Variants in MED13L observed in about 807,000 individuals in gnomAD.
MED13L encodes mediator of RNA polymerase II transcription subunit 13-like.
A neutral mutation model predicts 220.9 loss-of-function variants in MED13L; 7 were observed. That is an observed-to-expected ratio of 0.03 (90% CI 0.02 to 0.06). The LOEUF is 0.06. Ranked by LOEUF, MED13L falls within the 10% of genes least tolerant of loss-of-function variation. The probability of loss-of-function intolerance (pLI) is 1.00; values close to 1 mark genes in which losing one functional copy is unlikely to be tolerated. For missense variants in MED13L, 1,965 were observed against 2,760.5 expected, an observed-to-expected ratio of 0.71 and a Z score of 6.46; for synonymous variants, 1,011 against 1,015.2, an observed-to-expected ratio of 1.00 and a Z score of 0.08.
intron 4 of MED13L, among the ~76,000 whole-genome samples, chr12:116,061,916 G>A (rs1592999750): frequency 6.6e-6 from 1 of 150,918 alleles, no homozygotes; most frequent in African/African-American, 2.4e-5. Context: ...GCTGAGGCAG[G>A]AGAATGGCGT....
At chr12:115,993,642 T>C (rs1319990099) in intron 16 of MED13L, among the ~76,000 whole-genome samples, 1 of 152,134 alleles carries the variant, frequency 6.6e-6, no homozygotes, top group Non-Finnish European at 1.5e-5. Context: ...CGATCTTTAC[T>C]CTAACTGGAC....
At chr12:116,136,052 G>A (rs1019504735) in intron 2 of MED13L, among the ~76,000 whole-genome samples, 2 of 151,938 alleles carry the variant, frequency 1.3e-5, no homozygotes, top group African/African-American at 2.4e-5. Flanking sequence ...ACAGGCACCC[G>A]CCACCATGCC....
chr12:116,063,691 T>TAC (rs1165014331), intron 4 of MED13L, among the ~76,000 whole-genome samples: 1 of 152,214 alleles, frequency 6.6e-6, no homozygotes, highest in Non-Finnish European at 1.5e-5. Flanking sequence ...TAACCACCAC[T>TAC]ACCTCCAAGG....
At chr12:116,085,754 T>TCACACACACACA (rs10611880) in intron 4 of MED13L, among the ~76,000 whole-genome samples, 10 of 147,122 alleles carry the variant, frequency 6.8e-5, no homozygotes, top group African/African-American at 2.5e-4. Flanking sequence ...TTAAAATCAC[T>TCACACACACACA]CACACACACA....
chr12:116,183,844 A>G (rs893237370), intron 2 of MED13L, among the ~76,000 whole-genome samples: 8 of 67,060 alleles, frequency 1.2e-4, no homozygotes, highest in Non-Finnish European at 2.4e-4. Context: ...GTGTGTGTGT[A>G]AAATGAGATT....
intron 2 of MED13L, among the ~76,000 whole-genome samples, chr12:116,111,897 CAA>C (rs1565882777): frequency 1.3e-5 from 2 of 152,008 alleles, no homozygotes; most frequent in East Asian, 3.9e-4. Context: ...AAATTAATAG[CAA>C]AGTTATAAAA....
intron 4 of MED13L, among the ~76,000 whole-genome samples, chr12:116,075,091 T>G (rs1870673899): frequency 6.6e-6 from 1 of 152,250 alleles, no homozygotes; most frequent in Non-Finnish European, 1.5e-5. Flanking sequence ...GAATGACCAC[T>G]GTTTTTTGTT....
At chr12:116,032,492 A>G (rs1880914884) in intron 4 of MED13L, among the ~76,000 whole-genome samples, 1 of 152,186 alleles carries the variant, frequency 6.6e-6, no homozygotes, top group African/African-American at 2.4e-5. Context: ...CCTTCTAACC[A>G]AATTGCCTAT....
At chr12:116,060,908 A>T (rs1007115957) in intron 4 of MED13L, among the ~76,000 whole-genome samples, 6 of 152,182 alleles carry the variant, frequency 3.9e-5, no homozygotes, top group Non-Finnish European at 8.8e-5. Flanking sequence ...GGAAGTTATG[A>T]CACATACATG....
intron 4 of MED13L, among the ~76,000 whole-genome samples, chr12:116,051,156 T>C (rs956079258): frequency 6.6e-6 from 1 of 152,230 alleles, no homozygotes; most frequent in African/African-American, 2.4e-5. Flanking sequence ...TTCCACAGCA[T>C]TAAAATGTTA....
rs552015187 is a variant in MED13L, at chr12:116,174,342, AT to A, written c.311-62831del. On this transcript the variant is annotated intron_variant, in intron 2 of 30. Transcript: ENST00000281928. ...TTTAACTGCCCAAGGGTAAATGATA[AT>A]TCTAAGACACAAACACCTGAAAGAG... is the stretch of plus-strand genomic sequence containing the variant. 2.1e-3 allele frequency among the ~76,000 whole-genome samples: 327 copies of A among 152,322 alleles called. 1 individual carries two copies. The highest frequency in any genetic ancestry group is 0.014 in the Middle Eastern group (4 of 294).
chr12:115,962,479 G>A (rs1415507926), intron 30 of MED13L, among the ~76,000 whole-genome samples: 1 of 152,132 alleles, frequency 6.6e-6, no homozygotes, highest in Admixed American at 6.5e-5. Context: ...GCATGGACGG[G>A]GGTTGGGGAC....
At chr12:116,145,375 C>T (rs1455219948) in intron 2 of MED13L, among the ~76,000 whole-genome samples, 5 of 152,182 alleles carry the variant, frequency 3.3e-5, no homozygotes, top group East Asian at 1.9e-4. Context: ...CCAGGGGAGG[C>T]GGATGCTTGG....
intron 2 of MED13L, among the ~76,000 whole-genome samples, chr12:116,194,732 T>C (rs1881509832): frequency 1.3e-5 from 2 of 152,308 alleles, no homozygotes; most frequent in Admixed American, 6.5e-5. Context: ...GACTGAAATA[T>C]AATAAGCTAG....
chr12:116,037,081 C>T (rs1400338812), intron 4 of MED13L, among the ~76,000 whole-genome samples: 4 of 152,130 alleles, frequency 2.6e-5, no homozygotes, highest in Non-Finnish European at 5.9e-5. Flanking sequence ...ACTAAATCAC[C>T]ATTACAGTTC....
rs181429483 is a variant in MED13L at position 116,271,362 on chromosome 12, G to A, written c.72+5698C>T. 1.3e-4 allele frequency among the ~76,000 whole-genome samples: 20 copies of A among 151,990 alleles called. 1 individual carries two copies. The South Asian group carries it at 3.3e-3, about 25-fold the overall frequency. Reference sequence around the variant, plus strand: ...TCCCAGCACTTTGGGAGGCCGAGGCGGGAGGATCACGAGGTCAGGAGATCG... The same window carrying A: ...TCCCAGCACTTTGGGAGGCCGAGGCAGGAGGATCACGAGGTCAGGAGATCG... On this transcript the variant is annotated intron_variant, in intron 1 of 30. Transcript: ENST00000281928.
At chr12:116,070,407 C>G (rs1870276496) in intron 4 of MED13L, among the ~76,000 whole-genome samples, 1 of 152,188 alleles carries the variant, frequency 6.6e-6, no homozygotes, top group South Asian at 2.1e-4. Context: ...AAGGCACTCT[C>G]CTAAGCACTT....
At chr12:116,002,179 G>C (rs1336048892) in intron 14 of MED13L, among the ~76,000 whole-genome samples, 1 of 152,180 alleles carries the variant, frequency 6.6e-6, no homozygotes, top group Non-Finnish European at 1.5e-5. Context: ...TGTCATGCTT[G>C]AGAAAGCTTT....
rs542711978 is a variant in MED13L, at chr12:115,991,135, C to T, written c.3819G>A (p.Thr1273=). Residue 1273 remains threonine, a synonymous_variant, in exon 17 of 31, where the codon ACG becomes ACA. Coordinates refer to ENST00000281928, the MANE Select transcript of MED13L (RefSeq NM_015335.5). The surrounding 1 kb of genome is among the most constrained non-coding windows in gnomAD (Gnocchi z 7.7). ...RVQADNNDYW[T]ECFNALEQGR... is the part of the protein sequence containing the mutation. ...CCTGCTCCAACGCATTAAAGCATTC[C>T]GTCCAGTAATCATTATTATCTGCTT... is the stretch of plus-strand genomic sequence containing the variant. The T allele has an allele frequency of 3.0e-5, 48 of 1,614,160 alleles. No homozygotes were observed. In the Admixed American group the frequency reaches 3.3e-4, roughly 11 times the overall value.
Sources: gnomAD v4.1 joint callset for allele counts (sites outside exome capture counted in the v4.1 genomes callset) on GRCh38, gnomAD v4.1.1 for gene constraint, Gnocchi (gnomAD v3.1) non-coding constraint, MANE v1.5 for transcripts, NCBI Gene and HGNC (gene_info 2026-07-23, HGNC 2026-07-21) for gene names.